The following AKNA variants were observed in gnomAD, a reference collection of about 807,000 sequenced individuals.
AKNA encodes microtubule organization protein AKNA.
A neutral mutation model predicts 138.8 loss-of-function variants in AKNA; 67 were observed. The ratio of observed to expected loss-of-function variants is 0.48; its 90% CI spans 0.40 to 0.59. The LOEUF is 0.59. AKNA is among the 20% of genes least tolerant of loss of function. The pLI is 0.00. For synonymous variants in AKNA, 737 were observed against 754.4 expected, an observed-to-expected ratio of 0.98 and a Z score of 0.38; for missense variants, 1,813 against 1,880.4, an observed-to-expected ratio of 0.96 and a Z score of 0.66.
intron 4 of AKNA, among the ~76,000 whole-genome samples, chr9:114,370,194 G>A (rs529940213): frequency 6.6e-6 from 1 of 152,202 alleles, no homozygotes; most frequent in African/African-American, 2.4e-5. Context: ...CATGGTCCCC[G>A]CCGCCTCCCC....
chr9:114,395,771 GC>G (rs1834514792), upstream of AKNA, among the ~76,000 whole-genome samples: 1 of 142,956 alleles, frequency 7.0e-6, no homozygotes, highest in Non-Finnish European at 1.5e-5. Context: ...GTAAGAAAAA[GC>G]CCTGATTTGT....
At position 114,376,469 on chromosome 9, in the gene AKNA, G is replaced by A; in HGVS notation, c.1338C>T (p.Leu446=). ...CACAGCCATGAGTCCCACTAACCTGGAGCTGATGGACCAGCTCAGTGGCTT... is the reference window on the plus strand; with the variant it reads ...CACAGCCATGAGTCCCACTAACCTGAAGCTGATGGACCAGCTCAGTGGCTT... ...PEQATELVHQ[L]QEDYHRLLTK... Residue 446 remains leucine (L), a synonymous_variant, in exon 3 of 22, where the codon CTC becomes CTT. Transcript: ENST00000374088. The A allele has an allele frequency of 6.2e-7, 1 of 1,613,882 alleles. No homozygotes were observed. The highest frequency in any genetic ancestry group is 1.1e-5 in the South Asian group (1 of 91,056).
chr9:114,349,759 G>A (rs527744605), intron 15 of AKNA, among the ~76,000 whole-genome samples: 17 of 152,152 alleles, frequency 1.1e-4, no homozygotes, highest in African/African-American at 4.1e-4. Flanking sequence ...TTCCTTTACT[G>A]CTCAACACTC....
Position 114,350,876 on chromosome 9 carries a change from G to A in AKNA, c.3204C>T (p.Leu1068=), listed in dbSNP as rs747617345. The change falls in exon 15 of 22, where the codon CTC becomes CTT. Residue 1068 remains leucine, a synonymous_variant. Coordinates refer to ENST00000374088, the MANE Select transcript of AKNA (RefSeq NM_001317950.2). The stretch of plus-strand genomic sequence containing the variant: ...TAACTTACTCTCGCCCTGCCCTGGT[G>A]AGCAGGAAGCTGGGGATGGTCTCTG... The part of the protein sequence containing the change: ...GPTETIPSFL[L]TRAGRDQAIC... 3.7e-5 allele frequency: 58 copies of A among 1,581,254 alleles called. No individual in the cohort carries two copies. The highest frequency in any genetic ancestry group is 5.3e-5 in the Admixed American group (3 of 56,270).
chr9:114,331,549 G>A (rs1829851081), downstream of AKNA: 9 of 1,597,164 alleles, frequency 5.6e-6, no homozygotes, highest in East Asian at 1.3e-4. Context: ...TCACCCAGAG[G>A]CTCTTTTTCT....
chr9:114,360,770 T>C (rs1018066081), intron 9 of AKNA, among the ~76,000 whole-genome samples: 4 of 152,160 alleles, frequency 2.6e-5, no homozygotes, highest in African/African-American at 9.6e-5. Context: ...GAGACCCCAC[T>C]ACTGTCATCT....
chr9:114,364,424 A>G, intron 7 of AKNA, 136 bp downstream of exon 7: 1 of 834,222 alleles, frequency 1.2e-6, no homozygotes, highest in Non-Finnish European at 2.1e-6. Flanking sequence ...GCTACTCAGG[A>G]ACTGTTTGCT....
At chr9:114,364,697 T>A in intron 6 of AKNA, 78 bp from the exon 7 acceptor site, 1 of 1,471,688 alleles carries the variant, frequency 6.8e-7, no homozygotes, top group Admixed American at 1.7e-5. Context: ...CATCTATGCC[T>A]TGGTAAGAGG....
intron 15 of AKNA, 83 bp downstream of exon 15, chr9:114,350,776 C>T: frequency 7.0e-7 from 1 of 1,437,522 alleles, no homozygotes. Flanking sequence ...GGGCAGGTCT[C>T]CACCTCCACC....
chr9:114,365,669 A>G (rs1205103427), intron 6 of AKNA, among the ~76,000 whole-genome samples: 1 of 152,156 alleles, frequency 6.6e-6, no homozygotes, highest in Non-Finnish European at 1.5e-5. Flanking sequence ...AACAGGTAAA[A>G]TTAATTTTTA....
In AKNA at chr9:114,377,107, T is replaced by C. The variant is rs199880611; in HGVS notation, c.700A>G (p.Thr234Ala). 2 of 1,614,076 alleles carry C rather than the reference T, an allele frequency of 1.2e-6. No homozygotes were observed. The highest frequency in any genetic ancestry group is 1.7e-6 in the Non-Finnish European group (2 of 1,179,992). ...TGGTGGCTGGGGCCCTCTGGCAAGG[T>C]TTCTGCCAGGGCAGTGGGCTGGGGG... Reference protein sequence around the residue: ...DGPQPTALAETLPEGPSHHLL... With the variant: ...DGPQPTALAEALPEGPSHHLL... Residue 234 changes from threonine (T) to alanine (A), a missense_variant, in exon 3 of 22, where the codon ACC (threonine) becomes GCC (alanine). Thr to Ala is a moderately conservative substitution (Grantham distance 58, BLOSUM62 0). Transcript: ENST00000374088.
chr9:114,349,271 C>T (rs996828565), intron 15 of AKNA, among the ~76,000 whole-genome samples: 11 of 152,184 alleles, frequency 7.2e-5, no homozygotes, highest in African/African-American at 2.4e-4. Context: ...TTACTGAGTG[C>T]CAGCAGGCAC....
rs200684355 is a variant in AKNA at position 114,356,087 on chromosome 9, C to G, written c.2896G>C (p.Gly966Arg). The G allele has an allele frequency of 5.5e-5, 88 of 1,614,020 alleles. No homozygotes were observed. The highest frequency in any genetic ancestry group is 6.8e-5 in the Non-Finnish European group (80 of 1,180,034). ...QPFAASVPRDGASYPKARGSL... is the reference protein window; with the variant it reads ...QPFAASVPRDRASYPKARGSL... ...CCCCTGGCCTTGGGGTAGGAAGCTCCATCCCTGGGCACAGATGCAGCAAAG... is the reference window on the plus strand; with the variant it reads ...CCCCTGGCCTTGGGGTAGGAAGCTCGATCCCTGGGCACAGATGCAGCAAAG... Residue 966 changes from glycine (G) to arginine (R), a missense_variant, in exon 14 of 22, where the codon GGA (glycine) becomes CGA (arginine). Coordinates refer to ENST00000374088, the MANE Select transcript of AKNA (RefSeq NM_001317950.2).
intron 1 of AKNA, among the ~76,000 whole-genome samples, chr9:114,387,320 C>T (rs1357968341): frequency 6.6e-6 from 1 of 152,294 alleles, no homozygotes; most frequent in East Asian, 1.9e-4. Flanking sequence ...CAGCAGAGGC[C>T]GAGGAGAAAG....
intron 21 of AKNA, 135 bp downstream of exon 21, chr9:114,341,398 T>C: frequency 9.1e-7 from 1 of 1,098,142 alleles, no homozygotes; most frequent in Non-Finnish European, 1.3e-6. Context: ...GTTGGGCTCC[T>C]ACTGCATGTT....
chr9:114,337,031 C>T lies in AKNA; in HGVS notation c.*23G>A. 2.5e-6 allele frequency: 3 copies of T among 1,209,888 alleles called. No individual in the cohort carries two copies. The highest frequency in any genetic ancestry group is 4.1e-5 in the South Asian group (2 of 48,914). 74.9% of individuals were successfully genotyped at this position (1,209,888 alleles called of 1,614,324 possible). On this transcript the variant is annotated 3_prime_UTR_variant, in exon 22 of 22. Transcript: ENST00000374088. The stretch of plus-strand genomic sequence containing the variant: ...GCCACCTGCCCACCCACCCACCCAT[C>T]TGCCTCTGGGCCCCCAGTGAAGTCA...
chr9:114,394,862 G>A (rs1834479761), upstream of AKNA, among the ~76,000 whole-genome samples: 1 of 152,214 alleles, frequency 6.6e-6, no homozygotes, highest in Non-Finnish European at 1.5e-5. Context: ...GTCCTTGGCT[G>A]TGGTCCCAAG....
downstream of AKNA, among the ~76,000 whole-genome samples, chr9:114,333,650 A>G: frequency 7.3e-6 from 1 of 137,166 alleles, no homozygotes; most frequent in Non-Finnish European, 1.6e-5. Context: ...CAATACAAGC[A>G]AACAAATGTG....
intron 14 of AKNA, among the ~76,000 whole-genome samples, chr9:114,353,264 T>C (rs1201638299): frequency 6.6e-6 from 1 of 151,592 alleles, no homozygotes; most frequent in African/African-American, 2.4e-5. Flanking sequence ...ATTTTTTGTT[T>C]TTTTTTTTTA....
Sources: gnomAD v4.1 joint callset for allele counts (sites outside exome capture counted in the v4.1 genomes callset) on GRCh38, gnomAD v4.1.1 for gene constraint, MANE v1.5 for transcripts, NCBI Gene and HGNC (gene_info 2026-07-23, HGNC 2026-07-21) for gene names.